The following FOXP1 variants were observed in gnomAD, a reference collection of about 807,000 sequenced individuals.
The protein encoded by FOXP1 is forkhead box P1.
A neutral mutation model predicts 98.2 loss-of-function variants in FOXP1; 15 were observed. That is an observed-to-expected ratio of 0.15 (90% CI 0.10 to 0.24). FOXP1 has a LOEUF of 0.24. FOXP1 is among the 10% of genes least tolerant of loss of function. The pLI is 1.00. For synonymous variants in FOXP1, 371 were observed against 314.5 expected (o/e 1.18, Z -1.90); for missense variants, 633 against 848.5 (o/e 0.75, Z 3.15).
At chr3:71,575,603 C>T (rs184871750) in intron 2 of FOXP1, among the ~76,000 whole-genome samples, 57 of 152,320 alleles carry the variant, frequency 3.7e-4, no homozygotes, top group African/African-American at 1.3e-3. Context: ...GGGAAGCCAC[C>T]AGTGCCACTG....
rs2089597801 is a variant in FOXP1, at chr3:71,474,023, T to C, written c.-168+19403A>G. The stretch of plus-strand genomic sequence containing the variant: ...GATCTATTACACCGTTCATAAAAGA[T>C]AATATGGCAATATGAAAATAGTTAC... On this transcript the variant is annotated intron_variant, in intron 3 of 20. Transcript: ENST00000649528. Among the ~76,000 whole-genome samples, 5 of 152,158 alleles carry C rather than the reference T, an allele frequency of 3.3e-5. No individual in the cohort carries two copies. The South Asian group carries it at 8.3e-4, about 25-fold the overall frequency.
chr3:71,045,836 AG>A (rs1464869682), intron 10 of FOXP1, among the ~76,000 whole-genome samples: 1 of 152,198 alleles, frequency 6.6e-6, no homozygotes, highest in Non-Finnish European at 1.5e-5. Flanking sequence ...CCATGCTTTA[AG>A]CAACACGAAG....
intron 10 of FOXP1, among the ~76,000 whole-genome samples, 181 bp from the exon 11 acceptor site, chr3:71,041,713 G>A (rs1413420433): frequency 2.6e-5 from 4 of 151,930 alleles, no homozygotes; most frequent in Admixed American, 6.6e-5. Flanking sequence ...TCCTCTTACC[G>A]AGCAACTGAG....
chr3:70,987,842 G>C (rs2039995265), intron 14 of FOXP1, 152 bp downstream of exon 14: 1 of 710,976 alleles, frequency 1.4e-6, no homozygotes, highest in Non-Finnish European at 2.5e-6. Flanking sequence ...CATCATAAAG[G>C]ATAACCAGAA....
chr3:71,125,585 A>G (rs990559021), intron 6 of FOXP1, among the ~76,000 whole-genome samples: 2 of 152,196 alleles, frequency 1.3e-5, no homozygotes, highest in African/African-American at 4.8e-5. Flanking sequence ...GGGAATCTGA[A>G]AAAAACTTTG....
rs534253863 is a variant in FOXP1, at chr3:71,387,602, G to GT, written c.-167-28359dup. On this transcript the variant is annotated intron_variant, in intron 3 of 20. Coordinates refer to ENST00000649528, the MANE Select transcript of FOXP1 (RefSeq NM_001349338.3). ...AATCTGTCTCTTTGAATTCACATTG[G>GT]TTTTTTTCCATAAAAATGTATCAAC... Among the ~76,000 whole-genome samples the GT allele has an allele frequency of 1.3e-4, 20 of 152,094 alleles. No homozygotes were observed. The South Asian group carries it at 3.3e-3, about 25-fold the overall frequency.
chr3:71,124,804 C>T (rs1222630477), intron 6 of FOXP1, among the ~76,000 whole-genome samples: 1 of 152,138 alleles, frequency 6.6e-6, no homozygotes, highest in Non-Finnish European at 1.5e-5. Context: ...AACACACTGC[C>T]CCCAGGCATA....
chr3:71,035,582 A>G (rs1419905123), intron 11 of FOXP1, among the ~76,000 whole-genome samples: 1 of 152,166 alleles, frequency 6.6e-6, no homozygotes. Flanking sequence ...GCTCTGTTAT[A>G]GTGTTATAGA....
chr3:71,057,789 C>T (rs1002338702), intron 7 of FOXP1, among the ~76,000 whole-genome samples: 3 of 152,016 alleles, frequency 2.0e-5, no homozygotes, highest in Non-Finnish European at 4.4e-5. Flanking sequence ...GTGGTCGATC[C>T]CAGGTGCACC....
chr3:71,188,457 C>T (rs1267102038), intron 6 of FOXP1, among the ~76,000 whole-genome samples: 1 of 151,228 alleles, frequency 6.6e-6, no homozygotes, highest in Non-Finnish European at 1.5e-5. Flanking sequence ...TCTTGTAGCC[C>T]AGGCTGGAGT....
chr3:71,261,983 C>T (rs1386940869), intron 5 of FOXP1, among the ~76,000 whole-genome samples: 1 of 151,834 alleles, frequency 6.6e-6, no homozygotes, highest in East Asian at 1.9e-4. Flanking sequence ...TTTGTCAAAT[C>T]CCGGCCGAGT....
intron 6 of FOXP1, among the ~76,000 whole-genome samples, chr3:71,150,171 C>A (rs1484566031): frequency 6.6e-6 from 1 of 152,180 alleles, no homozygotes; most frequent in Non-Finnish European, 1.5e-5. Context: ...AGGAAAGCCA[C>A]AAATCGGCTC....
chr3:71,395,297 A>G (rs1191597319), intron 3 of FOXP1, among the ~76,000 whole-genome samples: 1 of 149,912 alleles, frequency 6.7e-6, no homozygotes, highest in Non-Finnish European at 1.5e-5. Context: ...TGGTTTCCAA[A>G]GTCTGTAAGA....
chr3:71,019,956 T>C (rs2045180989), intron 11 of FOXP1, among the ~76,000 whole-genome samples: 1 of 152,210 alleles, frequency 6.6e-6, no homozygotes. Context: ...TTCATTTCTG[T>C]GTGGCTATAC....
intron 7 of FOXP1, among the ~76,000 whole-genome samples, chr3:71,084,364 T>TC (rs201800834): frequency 1.7e-3 from 257 of 151,912 alleles, no homozygotes; most frequent in African/African-American, 5.4e-3. Flanking sequence ...TTTTTTTTTT[T>TC]CCCCCAAAAA....
intron 5 of FOXP1, among the ~76,000 whole-genome samples, chr3:71,276,543 C>T (rs2070910793): frequency 6.6e-6 from 1 of 152,210 alleles, no homozygotes; most frequent in Non-Finnish European, 1.5e-5. Flanking sequence ...CCCTCACTCT[C>T]ACATCCCTTA....
intron 12 of FOXP1, among the ~76,000 whole-genome samples, chr3:71,003,305 G>T (rs2042349238): frequency 6.6e-6 from 1 of 152,212 alleles, no homozygotes; most frequent in Admixed American, 6.5e-5. Context: ...GCAGGACACA[G>T]TTATGTCCTT....
intron 6 of FOXP1, among the ~76,000 whole-genome samples, chr3:71,152,979 C>G (rs1408307799): frequency 2.0e-5 from 3 of 152,178 alleles, no homozygotes; most frequent in Non-Finnish European, 2.9e-5. Flanking sequence ...CCTTCCCCAC[C>G]CATGTGTACG....
chr3:71,460,253 G>A lies in FOXP1; in HGVS notation c.-168+33173C>T, dbSNP rs374008109. 2.2e-5 allele frequency among the ~76,000 whole-genome samples: 3 copies of A among 134,798 alleles called. No homozygotes were observed. In the East Asian group the frequency reaches 6.1e-4, roughly 28 times the overall value. 88.4% of individuals were successfully genotyped at this position (134,798 alleles called of 152,430 possible). A position where few individuals can be genotyped will look rare whatever the true frequency, so the allele number is the denominator to read the frequency against. ...GCTTTGTTTGTTTGTTTGTTTGTTT[G>A]TTTTTTGTGACAGTCTCACTCTATC... On this transcript the variant is annotated intron_variant, in intron 3 of 20. Coordinates refer to ENST00000649528, the MANE Select transcript of FOXP1 (RefSeq NM_001349338.3).
Sources: allele counts gnomAD v4.1 joint callset (sites outside exome capture counted in the v4.1 genomes callset), GRCh38; gene constraint gnomAD v4.1.1; transcripts MANE v1.5; gene names NCBI Gene and HGNC (gene_info 2026-07-23, HGNC 2026-07-21).